The following MGAM variants were observed in gnomAD, a reference collection of about 807,000 sequenced individuals.
The protein encoded by MGAM is alpha-1,4-glucosidase.
A neutral mutation model predicts 358.8 loss-of-function variants in MGAM; 253 were observed. The ratio of observed to expected loss-of-function variants is 0.71; its 90% CI spans 0.64 to 0.78. MGAM has a LOEUF of 0.78. Among genes scored for constraint, MGAM ranks in the 30% least tolerant of loss-of-function variants. The probability of loss-of-function intolerance (pLI) is 0.00; values close to 1 mark genes in which losing one functional copy is unlikely to be tolerated. For synonymous variants in MGAM, 1,105 were observed against 1,227.1 expected (o/e 0.90, Z 2.08); for missense variants, 3,080 against 3,432.6 (o/e 0.90, Z 2.57).
intron 1 of MGAM, among the ~76,000 whole-genome samples, chr7:141,998,242 C>T (rs1400581733): frequency 2.6e-5 from 4 of 151,996 alleles, no homozygotes; most frequent in African/African-American, 9.7e-5. Flanking sequence ...AGTAATAATT[C>T]TTTTTTTAAA....
chr7:142,098,760 A>G (rs1816175872), intron 66 of MGAM, among the ~76,000 whole-genome samples: 1 of 152,204 alleles, frequency 6.6e-6, no homozygotes, highest in Non-Finnish European at 1.5e-5. Flanking sequence ...TGAGTCTCCC[A>G]TTCACTAACA....
chr7:142,091,183 G>A (rs1446243509), intron 57 of MGAM, among the ~76,000 whole-genome samples: 1 of 142,060 alleles, frequency 7.0e-6, no homozygotes, highest in African/African-American at 2.5e-5. Context: ...GAAGGCAGAG[G>A]TTTCAGTGAG....
intron 3 of MGAM, among the ~76,000 whole-genome samples, chr7:142,009,125 T>A (rs1171798402): frequency 1.3e-5 from 2 of 152,156 alleles, no homozygotes; most frequent in African/African-American, 4.8e-5. Context: ...TTTCAGAATT[T>A]CCAAAGCTCA....
At chr7:142,041,484 C>A (rs1808533416) in intron 21 of MGAM, among the ~76,000 whole-genome samples, 1 of 152,054 alleles carries the variant, frequency 6.6e-6, no homozygotes, top group African/African-American at 2.4e-5. Flanking sequence ...TGTTCACCTT[C>A]AAGCTGTTCT....
upstream of MGAM, among the ~76,000 whole-genome samples, chr7:141,995,245 C>CAAA (rs60373445): frequency 0.035 from 4,755 of 134,170 alleles, 101 homozygotes; most frequent in East Asian, 0.13. Context: ...AAAAGCCAAC[C>CAAA]AAAAAAAAAA....
At chr7:142,064,255 T>C in intron 36 of MGAM, 129 bp from the exon 37 acceptor site, 1 of 1,376,268 alleles carries the variant, frequency 7.3e-7, no homozygotes, top group East Asian at 2.5e-5. Flanking sequence ...CTCATGTCTC[T>C]GGGGAGATGG....
intron 2 of MGAM, among the ~76,000 whole-genome samples, chr7:141,990,327 C>T (rs144258482): frequency 2.0e-5 from 3 of 152,336 alleles, no homozygotes; most frequent in Non-Finnish European, 4.4e-5. Flanking sequence ...AAAGAACATG[C>T]ACCTGTGCAG....
rs769329349 is a variant in MGAM at position 142,066,823 on chromosome 7, C to T, written c.4919+102C>T. The T allele has an allele frequency of 1.3e-4, 175 of 1,332,916 alleles. 18 individuals are homozygous for T. The highest frequency in any genetic ancestry group is 3.7e-4 in the East Asian group (16 of 42,818). The allele number at this position is 1,332,916 out of a possible 1,614,324, so 82.6% of individuals were successfully genotyped here. A position where few individuals can be genotyped will look rare whatever the true frequency, so the allele number is the denominator to read the frequency against. ...CGCTTCCAAATTAAAGACATGATGG[C>T]CTTTTGACATGAGCTCTTCAGACAC... On this transcript the variant is annotated intron_variant, in intron 41 of 70. Transcript: ENST00000475668.
chr7:142,042,120 AAT>A (rs1296251755), intron 21 of MGAM, among the ~76,000 whole-genome samples: 3 of 66,694 alleles, frequency 4.5e-5, no homozygotes, highest in African/African-American at 5.9e-5. Context: ...TATAATATAT[AAT>A]ATATATACAT....
intron 21 of MGAM, among the ~76,000 whole-genome samples, chr7:142,045,395 GATATA>G (rs1214165356): frequency 1.4e-5 from 1 of 72,052 alleles, no homozygotes; most frequent in Non-Finnish European, 2.7e-5. Flanking sequence ...TATAATACAT[GATATA>G]TTATATATAT....
chr7:142,045,162 AATAT>A (rs1438073474), intron 21 of MGAM, among the ~76,000 whole-genome samples: 3 of 71,750 alleles, frequency 4.2e-5, no homozygotes, highest in Admixed American at 1.9e-4. Context: ...TGTGATATAT[AATAT>A]ATATATTATA....
chr7:142,073,080 A>G (rs942054224), intron 44 of MGAM, among the ~76,000 whole-genome samples: 1 of 146,196 alleles, frequency 6.8e-6, no homozygotes, highest in African/African-American at 2.4e-5. Flanking sequence ...TATACAGTCT[A>G]CCATATTTGT....
At chr7:142,065,920 C>T (rs1333782777) in intron 40 of MGAM, 89 bp downstream of exon 40, 6 of 1,056,420 alleles carry the variant, frequency 5.7e-6, no homozygotes, top group South Asian at 1.6e-5. Context: ...TCTCTATTTC[C>T]TGGGATATCT....
rs574395994 is a variant in MGAM, at chr7:142,092,008, G to A, written c.6906G>A (p.Gln2302=). The change falls in exon 58 of 71, where the codon CAG becomes CAA. Residue 2302 remains glutamine (Q), a synonymous_variant. Transcript: ENST00000475668. ...TAGAAGAACTATACAACAATCCACAGAATCCAGAGAGGAGCTTGAAGTTTG... is the reference window on the plus strand; with the variant it reads ...TAGAAGAACTATACAACAATCCACAAAATCCAGAGAGGAGCTTGAAGTTTG... ...REIEELYNNP[Q]NPERSLKFDG... is the part of the protein sequence containing the mutation. 17 of 1,534,430 alleles carry A rather than the reference G, an allele frequency of 1.1e-5. 2 individuals carry two copies. In the East Asian group the frequency reaches 3.2e-4, roughly 29 times the overall value.
chr7:142,101,660 C>G (rs1012965606), intron 68 of MGAM, among the ~76,000 whole-genome samples: 1 of 151,636 alleles, frequency 6.6e-6, no homozygotes, highest in Non-Finnish European at 1.5e-5. Flanking sequence ...AATCCCAGCA[C>G]TTTGAGAGGC....
At chr7:142,017,860 G>T (rs1022722409) in intron 3 of MGAM, among the ~76,000 whole-genome samples, 5 of 152,152 alleles carry the variant, frequency 3.3e-5, no homozygotes, top group Non-Finnish European at 7.3e-5. Context: ...CTGAAAATGT[G>T]CTTAGAGATA....
intron 12 of MGAM, 64 bp from the exon 13 acceptor site, chr7:142,031,616 T>C: frequency 8.8e-7 from 1 of 1,131,104 alleles, no homozygotes; most frequent in Non-Finnish European, 1.3e-6. Flanking sequence ...CTTTGCAAAG[T>C]ACTTTCCTTT....
At chr7:141,998,030 G>A (rs1437509271) in intron 1 of MGAM, among the ~76,000 whole-genome samples, 1 of 152,090 alleles carries the variant, frequency 6.6e-6, no homozygotes, top group Non-Finnish European at 1.5e-5. Context: ...TCAAACGCTG[G>A]CTATAATGCC....
rs549598290 is a variant in MGAM at position 142,066,251 on chromosome 7, C to T, written c.4771-322C>T. Among the ~76,000 whole-genome samples, 211 of 146,358 alleles carry T rather than the reference C, an allele frequency of 1.4e-3. 9 individuals are homozygous for T. The highest frequency in any genetic ancestry group is 4.8e-3 in the African/African-American group (197 of 41,242). The stretch of plus-strand genomic sequence containing the variant: ...CTGGGATTACAGGCGTGAGCCACTG[C>T]ACCCTTAAAAATTGTGAAGACCTGG... On this transcript the variant is annotated intron_variant, in intron 40 of 70. Transcript: ENST00000475668.
Sources: allele counts gnomAD v4.1 joint callset (sites outside exome capture counted in the v4.1 genomes callset), GRCh38; gene constraint gnomAD v4.1.1; transcripts MANE v1.5; gene names NCBI Gene and HGNC (gene_info 2026-07-23, HGNC 2026-07-21).